Variants in GPC5 observed in about 807,000 individuals in gnomAD.
GPC5 encodes glypican 5, also known as glypican-5.
In GPC5, 47 loss-of-function variants were observed where a neutral mutation model predicts 53.9. That is an observed-to-expected ratio of 0.87 (90% confidence interval 0.69 to 1.11). The LOEUF (loss-of-function observed/expected upper bound fraction) is 1.11, where lower values mean the gene tolerates loss of function less well. GPC5 is among the 50% of genes most tolerant of loss of function. GPC5 has a pLI of 0.00. For missense variants in GPC5, 748 were observed against 713.1 expected, an observed-to-expected ratio of 1.05 and a Z score of -0.56; for synonymous variants, 286 against 263.3, an observed-to-expected ratio of 1.09 and a Z score of -0.84.
At chr13:92,506,269 CACTT>C (rs1880365717) in intron 7 of GPC5, among the ~76,000 whole-genome samples, 1 of 152,190 alleles carries the variant, frequency 6.6e-6, no homozygotes, top group African/African-American at 2.4e-5. Context: ...TAGGAACACA[CACTT>C]TTTCAAAAAC....
At chr13:91,642,044 T>G (rs1383614753) in intron 2 of GPC5, among the ~76,000 whole-genome samples, 3 of 152,194 alleles carry the variant, frequency 2.0e-5, no homozygotes, top group Admixed American at 2.0e-4. Flanking sequence ...CATTCACAAA[T>G]GTAGGCAGTT....
chr13:92,496,543 G>A (rs946909995), intron 7 of GPC5, among the ~76,000 whole-genome samples: 1 of 152,114 alleles, frequency 6.6e-6, no homozygotes, highest in African/African-American at 2.4e-5. Context: ...AATGCAAAAT[G>A]AGGAGAAACT....
At chr13:92,786,527 G>A (rs927525949) in intron 7 of GPC5, among the ~76,000 whole-genome samples, 1 of 151,962 alleles carries the variant, frequency 6.6e-6, no homozygotes, top group Non-Finnish European at 1.5e-5. Context: ...GAAGTGAAAT[G>A]GGATTTAATG....
At chr13:91,784,458 C>T (rs1248029089) in intron 5 of GPC5, among the ~76,000 whole-genome samples, 1 of 152,114 alleles carries the variant, frequency 6.6e-6, no homozygotes, top group East Asian at 1.9e-4. Flanking sequence ...GGCGCAGTGG[C>T]TCACACCTGT....
At chr13:91,928,405 T>A (rs2039789339) in intron 6 of GPC5, among the ~76,000 whole-genome samples, 1 of 152,188 alleles carries the variant, frequency 6.6e-6, no homozygotes, top group South Asian at 2.1e-4. Flanking sequence ...AAAGAGAGAA[T>A]GTTGTGAGTT....
intron 7 of GPC5, among the ~76,000 whole-genome samples, chr13:92,641,917 A>G (rs1033666929): frequency 1.3e-5 from 2 of 152,060 alleles, no homozygotes; most frequent in African/African-American, 4.8e-5. Context: ...TTTCTGTGCC[A>G]TGACTCCTGA....
At chr13:91,790,613 A>G (rs961099920) in intron 5 of GPC5, among the ~76,000 whole-genome samples, 18 of 152,328 alleles carry the variant, frequency 1.2e-4, no homozygotes, top group African/African-American at 3.1e-4. Context: ...TAAATTTTCT[A>G]TGATATGTTC....
intron 6 of GPC5, among the ~76,000 whole-genome samples, chr13:92,030,239 G>A (rs896869482): frequency 1.3e-5 from 2 of 152,112 alleles, no homozygotes; most frequent in Non-Finnish European, 2.9e-5. Context: ...TAAGACCAGA[G>A]AAAAATGAAG....
chr13:92,095,634 A>G (rs2041416228), intron 6 of GPC5, among the ~76,000 whole-genome samples: 2 of 152,186 alleles, frequency 1.3e-5, no homozygotes, highest in Non-Finnish European at 2.9e-5. Context: ...TCCTGGGTTC[A>G]AGCGATTCTA....
At chr13:92,570,524 G>A (rs1347542127) in intron 7 of GPC5, among the ~76,000 whole-genome samples, 3 of 151,944 alleles carry the variant, frequency 2.0e-5, no homozygotes, top group Non-Finnish European at 4.4e-5. Context: ...AAATCTTTTA[G>A]CAGATATTGT....
chr13:92,534,430 C>T (rs1881660597), intron 7 of GPC5, among the ~76,000 whole-genome samples: 1 of 152,134 alleles, frequency 6.6e-6, no homozygotes, highest in Non-Finnish European at 1.5e-5. Flanking sequence ...AGGTTGATGG[C>T]ATGTAATCAT....
chr13:91,532,779 T>C (rs1594216319), intron 2 of GPC5, among the ~76,000 whole-genome samples: 1 of 152,068 alleles, frequency 6.6e-6, no homozygotes, highest in East Asian at 1.9e-4. Flanking sequence ...CGTGGGAGGA[T>C]CACTTGAGCT....
intron 6 of GPC5, among the ~76,000 whole-genome samples, chr13:92,059,433 G>C (rs1047483599): frequency 1.1e-4 from 16 of 151,840 alleles, no homozygotes; most frequent in African/African-American, 3.9e-4. Flanking sequence ...GCTGCCCAAA[G>C]GCAACCATTA....
chr13:92,674,092 C>T (rs1226277172), intron 7 of GPC5, among the ~76,000 whole-genome samples: 4 of 152,202 alleles, frequency 2.6e-5, no homozygotes, highest in African/African-American at 9.6e-5. Flanking sequence ...AAATCTATGC[C>T]TTCCATTTGA....
At chr13:92,650,802 A>T (rs1325880591) in intron 7 of GPC5, among the ~76,000 whole-genome samples, 1 of 152,128 alleles carries the variant, frequency 6.6e-6, no homozygotes, top group Non-Finnish European at 1.5e-5. Context: ...TTAATTTTTT[A>T]AAATTTTACT....
At chr13:92,580,265 G>C (rs1472266683) in intron 7 of GPC5, among the ~76,000 whole-genome samples, 1 of 152,174 alleles carries the variant, frequency 6.6e-6, no homozygotes, top group Non-Finnish European at 1.5e-5. Context: ...ATCCAAAAGA[G>C]TGACATTTTG....
At chr13:92,132,372 G>T (rs1426220204) in intron 6 of GPC5, among the ~76,000 whole-genome samples, 1 of 152,056 alleles carries the variant, frequency 6.6e-6, no homozygotes, top group African/African-American at 2.4e-5. Context: ...CCACAAACTG[G>T]GTTGCTTAAA....
intron 7 of GPC5, among the ~76,000 whole-genome samples, chr13:92,291,933 A>G (rs9516050): frequency 0.085 from 13,015 of 152,252 alleles, 617 homozygotes; most frequent in Middle Eastern, 0.12. Flanking sequence ...GAACACATCC[A>G]AACATCAGAA....
At chr13:91,478,848 T>TTATATATA (rs1264695958) in intron 2 of GPC5, among the ~76,000 whole-genome samples, 2 of 99,416 alleles carry the variant, frequency 2.0e-5, no homozygotes, top group African/African-American at 7.7e-5. Context: ...TATATACACA[T>TTATATATA]TATATATATA....
Sources: gnomAD v4.1 joint callset for allele counts (sites outside exome capture counted in the v4.1 genomes callset) on GRCh38, gnomAD v4.1.1 for gene constraint, MANE v1.5 for transcripts, NCBI Gene and HGNC (gene_info 2026-07-23, HGNC 2026-07-21) for gene names.